The following GALNS variants were observed in gnomAD, a reference collection of about 807,000 sequenced individuals.
The protein encoded by GALNS is galactosamine (N-acetyl)-6-sulfatase, also known as N-acetylgalactosamine-6-sulfatase.
A neutral mutation model predicts 65.9 loss-of-function variants in GALNS; 65 were observed. That is an observed-to-expected ratio of 0.99 (90% CI 0.81 to 1.21). The LOEUF (loss-of-function observed/expected upper bound fraction) is 1.21. Ranked by LOEUF, GALNS falls within the 50% of genes most tolerant of loss-of-function variation. The pLI, the probability that GALNS is intolerant of heterozygous loss-of-function variation, is 0.00. For missense variants in GALNS, 776 were observed against 700.7 expected (o/e 1.11, Z -1.21); for synonymous variants, 346 against 288.9 (o/e 1.20, Z -2.00).
In GALNS at chr16:88,825,793, CCA is replaced by C. The variant is rs141075987; in HGVS notation, c.1139+907_1139+908del. On this transcript the variant is annotated intron_variant, in intron 10 of 13. Coordinates refer to ENST00000268695, the MANE Select transcript of GALNS (RefSeq NM_000512.5). Reference sequence around the variant, plus strand: ...GGACGCAGCTGGGCACCGTCTCTCCCCACAGTGACCAACCACTTGTGCCAGGT... The same window carrying C: ...GGACGCAGCTGGGCACCGTCTCTCCCCAGTGACCAACCACTTGTGCCAGGT... 5.6e-3 allele frequency among the ~76,000 whole-genome samples: 858 copies of C among 152,210 alleles called. 11 individuals carry two copies. The highest frequency in any genetic ancestry group is 0.02 in the African/African-American group (822 of 41,494).
intron 1 of GALNS, chr16:88,855,191 A>C (rs774742832): frequency 1.4e-4 from 95 of 682,650 alleles, no homozygotes; most frequent in Non-Finnish European, 1.3e-4. Flanking sequence ...ACAAGTCTTC[A>C]ACATAAAAAA....
intron 13 of GALNS, chr16:88,816,443 C>T (rs531475115): frequency 2.3e-5 from 23 of 985,284 alleles, no homozygotes; most frequent in South Asian, 1.9e-4. Flanking sequence ...AGTCCAGAGG[C>T]GGGGACGCCA....
At chr16:88,819,816 CCTGAGTAG>C (rs1910018697) in intron 12 of GALNS, among the ~76,000 whole-genome samples, 1 of 151,986 alleles carries the variant, frequency 6.6e-6, no homozygotes, top group East Asian at 1.9e-4. Context: ...GCCTCAGCCT[CCTGAGTAG>C]CTGGGAGTAC....
rs561041180 is a variant in GALNS, at chr16:88,818,206, C to G, written c.1365-82G>C. ...GGCTGGCCTGGACAGGCTGAGGCTGCAGAGCTCTAACGGGCTGAGAACCAC... is the reference window on the plus strand; with the variant it reads ...GGCTGGCCTGGACAGGCTGAGGCTGGAGAGCTCTAACGGGCTGAGAACCAC... On this transcript the variant is annotated intron_variant, in intron 12 of 13. Coordinates refer to ENST00000268695, the MANE Select transcript of GALNS (RefSeq NM_000512.5). 8.7e-5 allele frequency: 98 copies of G among 1,124,792 alleles called. 1 individual carries two copies. The African/African-American group carries it at 1.4e-3, about 16-fold the overall frequency. 69.7% of individuals were successfully genotyped at this position (1,124,792 alleles called of 1,614,324 possible).
chr16:88,818,587 A>G (rs1458908124), intron 12 of GALNS, among the ~76,000 whole-genome samples: 2 of 152,206 alleles, frequency 1.3e-5, no homozygotes, highest in Admixed American at 6.5e-5. Context: ...TAAAATTCCA[A>G]TGCAAGCTGC....
At chr16:88,845,514 C>T (rs1360441927) in intron 1 of GALNS, 6 of 152,150 alleles carry the variant, frequency 3.9e-5, no homozygotes, top group South Asian at 2.1e-4. Context: ...TTTGGGAGGC[C>T]GAGGTAGGCG....
chr16:88,827,493 C>CTG (rs1252299023), intron 9 of GALNS, among the ~76,000 whole-genome samples: 1 of 152,180 alleles, frequency 6.6e-6, no homozygotes, highest in Non-Finnish European at 1.5e-5. Context: ...GTCACCCAGG[C>CTG]TGGAGTGCAG....
At chr16:88,817,365 G>A in intron 13 of GALNS, 1 of 985,446 alleles carries the variant, frequency 1.0e-6, no homozygotes, top group Non-Finnish European at 1.2e-6. Flanking sequence ...TACTGGAGGT[G>A]AACAAGGCCT....
intron 13 of GALNS, chr16:88,815,980 A>G: frequency 1.0e-6 from 1 of 985,252 alleles, no homozygotes; most frequent in Non-Finnish European, 1.2e-6. Flanking sequence ...GCTGGCCTGG[A>G]GTTGGCGGGG....
At chr16:88,855,563 C>A (rs1967783545) in intron 1 of GALNS, 2 of 693,748 alleles carry the variant, frequency 2.9e-6, no homozygotes, top group Non-Finnish European at 5.3e-6. Context: ...AAGCAGCTGC[C>A]CAGGACTGTC....
chr16:88,820,496 C>T (rs1006971044), intron 12 of GALNS, among the ~76,000 whole-genome samples: 5 of 152,348 alleles, frequency 3.3e-5, no homozygotes, highest in African/African-American at 7.2e-5. Context: ...AAGCAGCCCA[C>T]GGTGAATCAG....
In GALNS at chr16:88,831,103, C is replaced by T. The variant is rs188587357; in HGVS notation, c.1002+895G>A. On this transcript the variant is annotated intron_variant, in intron 9 of 13. Transcript: ENST00000268695. Reference sequence around the variant, plus strand: ...TCATTACCAGCACCCACGTGACACACGGCAGTATACGTGGCTCCAGTCCCC... The same window carrying T: ...TCATTACCAGCACCCACGTGACACATGGCAGTATACGTGGCTCCAGTCCCC... 6.1e-4 allele frequency among the ~76,000 whole-genome samples: 93 copies of T among 152,324 alleles called. 2 individuals are homozygous for T. The Middle Eastern group carries it at 0.02, about 33-fold the overall frequency.
At chr16:88,833,990 A>G (rs2143000253) in intron 8 of GALNS, among the ~76,000 whole-genome samples, 1 of 150,946 alleles carries the variant, frequency 6.6e-6, no homozygotes, top group East Asian at 2.0e-4. Flanking sequence ...CGGGCTCCCC[A>G]TGGGGAATGA....
chr16:88,831,206 G>C (rs982546517), intron 9 of GALNS, among the ~76,000 whole-genome samples: 1 of 152,024 alleles, frequency 6.6e-6, no homozygotes, highest in African/African-American at 2.4e-5. Flanking sequence ...ACCTGGTTCC[G>C]AGGAGAGCGG....
In GALNS at chr16:88,856,729, C is replaced by T. The variant is rs764099950; in HGVS notation, c.120+29G>A. 32 of 1,318,830 alleles carry T rather than the reference C, an allele frequency of 2.4e-5. No individual in the cohort carries two copies. In the Admixed American group the frequency reaches 6.9e-4, roughly 28 times the overall value. 81.7% of individuals were successfully genotyped at this position (1,318,830 alleles called of 1,614,324 possible). The stretch of plus-strand genomic sequence containing the variant: ...CCCTCCCCTCCCCGCCCCACCCCGG[C>T]CCTGCCCCGTCCCACCGCCCGCACT... On this transcript the variant is annotated intron_variant, in intron 1 of 13. Coordinates refer to ENST00000268695, the MANE Select transcript of GALNS (RefSeq NM_000512.5).
chr16:88,825,689 G>T (rs1168845706), intron 10 of GALNS, among the ~76,000 whole-genome samples: 1 of 151,308 alleles, frequency 6.6e-6, no homozygotes, highest in Non-Finnish European at 1.5e-5. Context: ...CCTGGGGAGG[G>T]TGGGCAGACA....
intron 5 of GALNS, among the ~76,000 whole-genome samples, chr16:88,837,067 T>C (rs9929837): frequency 0.039 from 5,919 of 152,238 alleles, 150 homozygotes; most frequent in South Asian, 0.084. Context: ...CGTCATGTAA[T>C]GAATGAGCAC....
At chr16:88,852,106 A>G (rs552701927) in intron 1 of GALNS, among the ~76,000 whole-genome samples, 2 of 152,342 alleles carry the variant, frequency 1.3e-5, no homozygotes, top group East Asian at 3.9e-4. Flanking sequence ...ACTTCCCAGT[A>G]GGGGCCCACT....
chr16:88,856,559 C>T, intron 1 of GALNS, 199 bp downstream of exon 1: 1 of 661,632 alleles, frequency 1.5e-6, no homozygotes, highest in Non-Finnish European at 2.7e-6. Context: ...CCCGAGGGGC[C>T]TCCCCCTCCC....
Sources: allele counts gnomAD v4.1 joint callset (sites outside exome capture counted in the v4.1 genomes callset), GRCh38; gene constraint gnomAD v4.1.1; transcripts MANE v1.5; gene names NCBI Gene and HGNC (gene_info 2026-07-23, HGNC 2026-07-21).